CNTNAP4: variants seen among roughly 807,000 people sequenced by gnomAD.
CNTNAP4 encodes the protein contactin-associated protein-like 4.
A neutral mutation model predicts 148.4 loss-of-function variants in CNTNAP4; 98 were observed. That is an observed-to-expected ratio of 0.66 (90% CI 0.56 to 0.78). The LOEUF is 0.78. Ranked by LOEUF, CNTNAP4 falls within the 30% of genes least tolerant of loss-of-function variation. CNTNAP4 has a pLI of 0.00. For synonymous variants in CNTNAP4, 730 were observed against 565.1 expected, an observed-to-expected ratio of 1.29 and a Z score of -4.14; for missense variants, 1,935 against 1,565.6, an observed-to-expected ratio of 1.24 and a Z score of -3.98.
intron 8 of CNTNAP4, among the ~76,000 whole-genome samples, chr16:76,453,495 C>G (rs2080598546): frequency 6.6e-6 from 1 of 152,240 alleles, no homozygotes; most frequent in East Asian, 1.9e-4. Context: ...GACAAAAGCT[C>G]TACATCACAT....
intron 3 of CNTNAP4, among the ~76,000 whole-genome samples, chr16:76,419,659 ATGGTGG>A (rs2079111184): frequency 6.6e-6 from 1 of 151,990 alleles, no homozygotes; most frequent in Admixed American, 6.6e-5. Context: ...AGATTTCAGC[ATGGTGG>A]TGTGTCATGT....
chr16:76,336,815 A>G (rs1252387490), intron 2 of CNTNAP4, among the ~76,000 whole-genome samples: 1 of 152,178 alleles, frequency 6.6e-6, no homozygotes, highest in Non-Finnish European at 1.5e-5. Context: ...TTGCTTAAAG[A>G]AGGACATTTC....
At position 76,528,285 on chromosome 16, in the gene CNTNAP4, ATCTC is replaced by A. The variant is rs1038190454; in HGVS notation, c.2755+6036_2755+6039del. Reference sequence around the variant, plus strand: ...AACATTTTTTAAAAATTTGAGATGGATCTCTCTCTCTGTCACCCAGACTGGAGTA... The same window carrying A: ...AACATTTTTTAAAAATTTGAGATGGATCTCTCTGTCACCCAGACTGGAGTA... On this transcript the variant is annotated intron_variant, in intron 17 of 23. Coordinates refer to ENST00000611870, the MANE Select transcript of CNTNAP4 (RefSeq NM_033401.5). Among the ~76,000 whole-genome samples the A allele has an allele frequency of 1.3e-5, 2 of 151,994 alleles. 1 individual carries two copies. Among genetic ancestry groups the A allele is most frequent in the Admixed American group, 1.3e-4 (2 of 15,238 alleles).
intron 1 of CNTNAP4, among the ~76,000 whole-genome samples, chr16:76,289,953 G>A (rs751830139): frequency 3.3e-5 from 5 of 151,956 alleles, no homozygotes; most frequent in East Asian, 1.9e-4. Context: ...TTCTGCTCAC[G>A]TTTCATCCTC....
At chr16:76,423,196 T>C (rs1297356173) in intron 3 of CNTNAP4, among the ~76,000 whole-genome samples, 2 of 152,190 alleles carry the variant, frequency 1.3e-5, no homozygotes, top group African/African-American at 4.8e-5. Flanking sequence ...ACTCAGTTTA[T>C]GACTTTTGAA....
At position 76,316,649 on chromosome 16, in the gene CNTNAP4, A is replaced by G. The variant is rs74024995; in HGVS notation, c.196+126A>G. 4,781 of 667,404 alleles carry G rather than the reference A, an allele frequency of 7.2e-3. 166 individuals carry two copies. In the African/African-American group the frequency reaches 0.077, roughly 11 times the overall value. The allele number at this position is 667,404 out of a possible 1,614,324, so 41.3% of individuals were successfully genotyped here. On this transcript the variant is annotated intron_variant, in intron 2 of 23. Transcript: ENST00000611870. The stretch of plus-strand genomic sequence containing the variant: ...TAAATTTCGAAATAAGCAAATGGTT[A>G]AAACTCATGAGATGTATATGACATC...
chr16:76,558,644 A>G lies in CNTNAP4; in HGVS notation c.3888A>G (p.Gln1296=), dbSNP rs1425220672. The change falls in exon 24 of 24, where the codon CAA becomes CAG. Residue 1296 remains glutamine (Q), a synonymous_variant. Coordinates refer to ENST00000611870, the MANE Select transcript of CNTNAP4 (RefSeq NM_033401.5). The part of the protein sequence containing the change: ...EAVLKSELNI[Q]NAVNENQKEY... The stretch of plus-strand genomic sequence containing the variant: ...TTCTGAAAAGTGAGCTTAATATACA[A>G]AATGCAGTCAATGAAAATCAGAAAG... The G allele has an allele frequency of 6.2e-7, 1 of 1,611,280 alleles. No individual in the cohort carries two copies. Among genetic ancestry groups the G allele is most frequent in the African/African-American group, 1.3e-5 (1 of 74,956 alleles).
chr16:76,439,842 T>G (rs1457185343), intron 4 of CNTNAP4, among the ~76,000 whole-genome samples: 1 of 152,164 alleles, frequency 6.6e-6, no homozygotes, highest in Non-Finnish European at 1.5e-5. Context: ...TATGCTACCA[T>G]GCAAAAATAG....
chr16:76,389,947 T>C (rs1180560426), intron 3 of CNTNAP4, among the ~76,000 whole-genome samples: 2 of 152,110 alleles, frequency 1.3e-5, no homozygotes, highest in South Asian at 4.1e-4. Context: ...TTTCAAGAAA[T>C]AACAGTAGGA....
intron 15 of CNTNAP4, among the ~76,000 whole-genome samples, chr16:76,507,381 T>C (rs371034987): frequency 2.1e-5 from 2 of 97,472 alleles, no homozygotes; most frequent in East Asian, 1.1e-3. Context: ...CCCATTCTCT[T>C]TGCCAGCCTC....
At chr16:76,501,249 G>A (rs974895434) in intron 15 of CNTNAP4, among the ~76,000 whole-genome samples, 1 of 152,202 alleles carries the variant, frequency 6.6e-6, no homozygotes, top group Non-Finnish European at 1.5e-5. Context: ...AACTTCGGAT[G>A]CATCCAGGAG....
chr16:76,362,413 A>G (rs1339807475), intron 3 of CNTNAP4, among the ~76,000 whole-genome samples: 1 of 152,230 alleles, frequency 6.6e-6, no homozygotes. Context: ...CCTAAGATTT[A>G]TATAAAACCA....
At chr16:76,314,939 G>GT (rs2144075557) in intron 1 of CNTNAP4, among the ~76,000 whole-genome samples, 1 of 151,812 alleles carries the variant, frequency 6.6e-6, no homozygotes, top group South Asian at 2.1e-4. Context: ...ACTCATATAT[G>GT]TCCCTAAACA....
chr16:76,383,056 TC>T (rs2016148786), intron 3 of CNTNAP4, among the ~76,000 whole-genome samples: 1 of 151,958 alleles, frequency 6.6e-6, no homozygotes, highest in African/African-American at 2.4e-5. Context: ...TGCCAGAGAA[TC>T]AACTCATTAG....
At chr16:76,290,472 G>T (rs901798756) in intron 1 of CNTNAP4, among the ~76,000 whole-genome samples, 3 of 152,144 alleles carry the variant, frequency 2.0e-5, no homozygotes, top group African/African-American at 7.2e-5. Flanking sequence ...TCGGAGTGAA[G>T]TGGCAGGCAC....
chr16:76,530,211 T>A lies in CNTNAP4; in HGVS notation c.2756-5334T>A, dbSNP rs897744528. On this transcript the variant is annotated intron_variant, in intron 17 of 23. Transcript: ENST00000611870. ...TTAATTATAATATATTCCAGATTTT[T>A]ATTTTTTTAATTTCGGTTTTTTATA... Among the ~76,000 whole-genome samples, 62 of 152,190 alleles carry A rather than the reference T, an allele frequency of 4.1e-4. 1 individual carries two copies. Among genetic ancestry groups the A allele is most frequent in the Admixed American group, 3.9e-3 (60 of 15,272 alleles).
chr16:76,418,458 T>C (rs1272380508), intron 3 of CNTNAP4, among the ~76,000 whole-genome samples: 1 of 151,338 alleles, frequency 6.6e-6, no homozygotes, highest in African/African-American at 2.4e-5. Flanking sequence ...TCTGATCTTT[T>C]GTTGGTTGTA....
chr16:76,341,916 C>T (rs1964500027), intron 2 of CNTNAP4, among the ~76,000 whole-genome samples: 1 of 152,134 alleles, frequency 6.6e-6, no homozygotes, highest in Non-Finnish European at 1.5e-5. Flanking sequence ...GTTGCCATGT[C>T]CTATCGAGTC....
intron 2 of CNTNAP4, among the ~76,000 whole-genome samples, chr16:76,347,417 G>T (rs1431435898): frequency 1.3e-5 from 2 of 152,054 alleles, no homozygotes; most frequent in South Asian, 2.1e-4. Flanking sequence ...AATAAAACAG[G>T]TGAAGACCCC....
Sources: allele counts gnomAD v4.1 joint callset (sites outside exome capture counted in the v4.1 genomes callset), GRCh38; gene constraint gnomAD v4.1.1; transcripts MANE v1.5; gene names NCBI Gene and HGNC (gene_info 2026-07-23, HGNC 2026-07-21).